The following SLC6A7 variants were observed in gnomAD, a reference collection of about 807,000 sequenced individuals.
The protein encoded by SLC6A7 is solute carrier family 6 member 7.
A neutral mutation model predicts 73.1 loss-of-function variants in SLC6A7; 58 were observed. That is an observed-to-expected ratio of 0.79 (90% confidence interval 0.64 to 0.99). SLC6A7 has a LOEUF of 0.99. Ranked by LOEUF, SLC6A7 falls within the 50% of genes least tolerant of loss-of-function variation. SLC6A7 has a pLI of 0.00. For synonymous variants in SLC6A7, 338 were observed against 338.7 expected (o/e 1.00, Z 0.02); for missense variants, 783 against 831.4 (o/e 0.94, Z 0.72).
At chr5:150,193,382 C>T (rs923475299) in intron 1 of SLC6A7, among the ~76,000 whole-genome samples, 7 of 152,190 alleles carry the variant, frequency 4.6e-5, no homozygotes, top group African/African-American at 1.7e-4. Flanking sequence ...TTATGACTTT[C>T]TGACACAGAT....
At chr5:150,209,286 G>A in intron 13 of SLC6A7, 120 bp from the exon 14 acceptor site, 1 of 807,386 alleles carries the variant, frequency 1.2e-6, no homozygotes, top group African/African-American at 1.7e-5. Flanking sequence ...CCCGCCAGGG[G>A]GCTGTGGCCA....
intron 13 of SLC6A7, among the ~76,000 whole-genome samples, chr5:150,205,880 G>C (rs2113987800): frequency 6.6e-6 from 1 of 152,256 alleles, no homozygotes; most frequent in East Asian, 1.9e-4. Context: ...GTCCCACCGT[G>C]GGTTGGGGGT....
intron 13 of SLC6A7, among the ~76,000 whole-genome samples, chr5:150,208,288 C>T (rs888799592): frequency 6.6e-6 from 1 of 152,096 alleles, no homozygotes; most frequent in Non-Finnish European, 1.5e-5. Flanking sequence ...ACCTGACTAA[C>T]CGGACAGGGT....
At chr5:150,199,676 G>A (rs957263227) in intron 5 of SLC6A7, among the ~76,000 whole-genome samples, 1 of 152,214 alleles carries the variant, frequency 6.6e-6, no homozygotes, top group Non-Finnish European at 1.5e-5. Flanking sequence ...TAGAGTGTGA[G>A]TGCATGAGTT....
At chr5:150,201,029 A>G (rs1162649742) in intron 5 of SLC6A7, 60 bp from the exon 6 acceptor site, 2 of 1,589,382 alleles carry the variant, frequency 1.3e-6, no homozygotes, top group African/African-American at 2.7e-5. Flanking sequence ...ATGAGTTTAC[A>G]AGGAATGGCA....
At chr5:150,198,811 G>GGTGTGTGTGTGTGT (rs774414750) in intron 4 of SLC6A7, among the ~76,000 whole-genome samples, 17 of 112,022 alleles carry the variant, frequency 1.5e-4, no homozygotes, top group Non-Finnish European at 2.7e-4. Context: ...GGCCCTGGAT[G>GGTGTGTGTGTGTGT]GTGTGTGTGT....
Position 150,194,796 on chromosome 5 carries a change from T to C in SLC6A7, c.102T>C (p.Ala34=), listed in dbSNP as rs754336359. 1.9e-6 allele frequency: 3 copies of C among 1,614,164 alleles called. No individual in the cohort carries two copies. Among genetic ancestry groups the C allele is most frequent in the Non-Finnish European group, 2.5e-6 (3 of 1,180,024 alleles). ...ATGTCGACCTGGATGTGGACTTTGC[T>C]GCACACCGGGGGAACTGGACAGGCA... ...QGDVDLDVDF[A]AHRGNWTGKL... The change falls in exon 2 of 14, where the codon GCT becomes GCC. Residue 34 remains alanine (A), a synonymous_variant. Transcript: ENST00000230671.
At chr5:150,204,776 C>G in intron 11 of SLC6A7, 51 bp from the exon 12 acceptor site, 1 of 1,432,918 alleles carries the variant, frequency 7.0e-7, no homozygotes, top group African/African-American at 1.4e-5. Flanking sequence ...GGGCTGCTGG[C>G]GTTTGTGGGG....
chr5:150,194,952 G>A (rs1278857312), intron 2 of SLC6A7, 41 bp downstream of exon 2: 1 of 1,569,930 alleles, frequency 6.4e-7, no homozygotes, highest in Non-Finnish European at 8.7e-7. Flanking sequence ...CTGGGGTGAT[G>A]GGCCAAGGCC....
intron 5 of SLC6A7, 148 bp downstream of exon 5, chr5:150,199,514 G>A: frequency 3.3e-6 from 2 of 600,124 alleles, no homozygotes; most frequent in Non-Finnish European, 5.8e-6. Flanking sequence ...GGGGGATGAG[G>A]GCTGCTTGAA....
rs775614810 is a variant in SLC6A7, at chr5:150,209,602, A to G, written c.1898A>G (p.Glu633Gly). 3 of 1,605,306 alleles carry G rather than the reference A, an allele frequency of 1.9e-6. No individual in the cohort carries two copies. The South Asian group carries it at 3.3e-5, about 18-fold the overall frequency. ...GACCGTGAGATTGCAGAGGAGGAGG[A>G]GTCGATGATGTGAGGCAGGAGGCAG... ...EVDREIAEEE[E>G]SMM Residue 633 changes from glutamate (E) to glycine (G), a missense_variant, in exon 14 of 14, where the codon GAG becomes GGG. Physicochemically the swap from Glu to Gly is moderately conservative, Grantham distance 98. Coordinates refer to ENST00000230671, the MANE Select transcript of SLC6A7 (RefSeq NM_014228.5).
rs777337836 is a variant in SLC6A7, at chr5:150,205,640, T to G, written c.1701+17T>G. The G allele has an allele frequency of 6.3e-7, 1 of 1,594,204 alleles. No homozygotes were observed. The highest frequency in any genetic ancestry group is 1.3e-5 in the African/African-American group (1 of 74,542). ...CTCTGGGAGGTGAGTCTGCCCACCC[T>G]GTCCACTCTCAGCCTTCCTGACCTG... On this transcript the variant is annotated intron_variant, in intron 13 of 13. Transcript: ENST00000230671.
At position 150,198,049 on chromosome 5, in the gene SLC6A7, G is replaced by GAGAAAGAAAGAA. The variant is rs1554115584; in HGVS notation, c.584+829_584+840dup. Among the ~76,000 whole-genome samples, 427 of 103,648 alleles carry GAGAAAGAAAGAA rather than the reference G, an allele frequency of 4.1e-3. 4 individuals carry two copies. The highest frequency in any genetic ancestry group is 0.01 in the Admixed American group (100 of 9,750). 68.0% of individuals were successfully genotyped at this position (103,648 alleles called of 152,430 possible). A position where few individuals can be genotyped will look rare whatever the true frequency, so the allele number is the denominator to read the frequency against. On this transcript the variant is annotated intron_variant, in intron 4 of 13. Transcript: ENST00000230671. ...TGCATTCTGCCTTTAAAAGAAGAAA[G>GAGAAAGAAAGAA]AGAAAGAAAGAAAGAAAGAAAGAAA...
intron 6 of SLC6A7, 88 bp downstream of exon 6, chr5:150,201,311 GGCA>G: frequency 1.1e-6 from 1 of 936,084 alleles, no homozygotes; most frequent in Non-Finnish European, 1.6e-6. Flanking sequence ...CGCAGTACCA[GGCA>G]CTCTGCTCAG....
chr5:150,193,489 C>G (rs771042046), intron 1 of SLC6A7, among the ~76,000 whole-genome samples: 4 of 152,176 alleles, frequency 2.6e-5, no homozygotes, highest in Non-Finnish European at 4.4e-5. Context: ...GGTTTGACCC[C>G]CCCAGCCAAG....
chr5:150,193,026 G>GA (rs1752856807), intron 1 of SLC6A7, among the ~76,000 whole-genome samples: 1 of 152,200 alleles, frequency 6.6e-6, no homozygotes, highest in Non-Finnish European at 1.5e-5. Context: ...TTAAGTCTGG[G>GA]ATCTGCTGCT....
At chr5:150,191,991 C>T (rs2113963974) in intron 1 of SLC6A7, among the ~76,000 whole-genome samples, 1 of 152,008 alleles carries the variant, frequency 6.6e-6, no homozygotes, top group Middle Eastern at 3.4e-3. Context: ...GGGTGAGACT[C>T]ACTGCTTACC....
intron 2 of SLC6A7, chr5:150,195,122 T>A: frequency 1.9e-6 from 1 of 513,592 alleles, no homozygotes; most frequent in Admixed American, 3.2e-5. Flanking sequence ...CTCCCTCTCA[T>A]CCCCAGGAAG....
intron 1 of SLC6A7, among the ~76,000 whole-genome samples, chr5:150,194,211 C>T (rs928443419): frequency 6.6e-5 from 10 of 152,084 alleles, no homozygotes; most frequent in African/African-American, 2.4e-4. Context: ...GGGTGGATCA[C>T]GAGGTCAGGA....
Sources: allele counts gnomAD v4.1 joint callset (sites outside exome capture counted in the v4.1 genomes callset), GRCh38; gene constraint gnomAD v4.1.1; transcripts MANE v1.5; gene names NCBI Gene and HGNC (gene_info 2026-07-23, HGNC 2026-07-21).